The following STK32B variants were observed in gnomAD, a reference collection of about 807,000 sequenced individuals.
The protein encoded by STK32B is serine/threonine kinase 32B.
Under a neutral mutation model 52.6 loss-of-function variants are expected in STK32B, and 43 were observed. The ratio of observed to expected loss-of-function variants is 0.82; its 90% CI spans 0.64 to 1.05. The LOEUF (loss-of-function observed/expected upper bound fraction) is 1.05. Among genes scored for constraint, STK32B ranks in the 50% least tolerant of loss-of-function variants. The pLI, the probability that STK32B is intolerant of heterozygous loss-of-function variation, is 0.00. For missense variants in STK32B, 621 were observed against 534.6 expected (o/e 1.16, Z -1.59); for synonymous variants, 238 against 204.3 (o/e 1.17, Z -1.41).
At chr4:5,361,502 T>C (rs1298842177) in intron 4 of STK32B, among the ~76,000 whole-genome samples, 8 of 152,180 alleles carry the variant, frequency 5.3e-5, no homozygotes, top group Admixed American at 5.2e-4. Flanking sequence ...ATCCCAAGTA[T>C]CTGCGACCAT....
intron 3 of STK32B, among the ~76,000 whole-genome samples, chr4:5,323,266 AG>A (rs1731641129): frequency 6.6e-6 from 1 of 152,106 alleles, no homozygotes; most frequent in African/African-American, 2.4e-5. Flanking sequence ...ATCACCTCCG[AG>A]GCACAGGAAA....
intron 1 of STK32B, chr4:5,127,100 G>T (rs745845099): frequency 3.9e-6 from 2 of 513,020 alleles, no homozygotes; most frequent in Non-Finnish European, 3.9e-6. Context: ...GAGCCGTGAA[G>T]GGAACTTAAC....
rs535560469 is a variant in STK32B, at chr4:5,464,277, G to T, written c.910-2426G>T. 1.2e-4 allele frequency among the ~76,000 whole-genome samples: 19 copies of T among 152,320 alleles called. No homozygotes were observed. In the South Asian group the frequency reaches 3.7e-3, roughly 30 times the overall value. ...TACATCTCAACATGAGATTTGCAGG[G>T]GACAGGCAAGTTATGTCACCTTCTG... On this transcript the variant is annotated intron_variant, in intron 9 of 11. Coordinates refer to ENST00000282908, the MANE Select transcript of STK32B (RefSeq NM_018401.3).
chr4:5,357,069 ATATACACACACACACG>A (rs1406532121), intron 4 of STK32B, among the ~76,000 whole-genome samples: 6 of 145,568 alleles, frequency 4.1e-5, no homozygotes, highest in Admixed American at 7.0e-5. Flanking sequence ...ATATACACAC[ATATACACACACACACG>A]TATACACACA....
Position 5,132,998 on chromosome 4 carries a change from C to T in STK32B, c.53-6907C>T, listed in dbSNP as rs1282247630. 5.3e-5 allele frequency among the ~76,000 whole-genome samples: 8 copies of T among 152,002 alleles called. No individual in the cohort carries two copies. The East Asian group carries it at 1.2e-3, about 22-fold the overall frequency. On this transcript the variant is annotated intron_variant, in intron 1 of 11. Transcript: ENST00000282908. ...ATTTTTAGGAGAGATGGGGTTTTGCCATGTTGGCTAGGCTGGCTGGAACCC... is the reference window on the plus strand; with the variant it reads ...ATTTTTAGGAGAGATGGGGTTTTGCTATGTTGGCTAGGCTGGCTGGAACCC...
At chr4:5,029,037 A>G in the STK32B span, among the ~76,000 whole-genome samples, 1 of 152,190 alleles carries the variant, frequency 6.6e-6, no homozygotes, top group Non-Finnish European at 1.5e-5. Context: ...TGACAACATC[A>G]AGGGAGATGG....
intron 3 of STK32B, among the ~76,000 whole-genome samples, chr4:5,187,626 G>A (rs981901477): frequency 5.3e-5 from 8 of 150,088 alleles, no homozygotes; most frequent in Non-Finnish European, 1.2e-4. Flanking sequence ...GGCGGGGGAG[G>A]GGGGGGACAA....
At chr4:5,039,647 A>T in the STK32B span, among the ~76,000 whole-genome samples, 2 of 152,242 alleles carry the variant, frequency 1.3e-5, no homozygotes, top group Admixed American at 6.5e-5. Context: ...GTCATTTATT[A>T]TCATTATCAG....
intron 2 of STK32B, among the ~76,000 whole-genome samples, chr4:5,161,471 A>C (rs1446368984): frequency 6.6e-6 from 1 of 152,206 alleles, no homozygotes; most frequent in Non-Finnish European, 1.5e-5. Flanking sequence ...CTGTTGTTCC[A>C]GACATTACAT....
chr4:5,085,704 G>C (rs1364844723), intron 1 of STK32B, among the ~76,000 whole-genome samples: 1 of 152,162 alleles, frequency 6.6e-6, no homozygotes, highest in Non-Finnish European at 1.5e-5. Context: ...TGGAACTCTG[G>C]AGATTAACCA....
chr4:5,144,947 GT>G (rs939422056), intron 2 of STK32B, among the ~76,000 whole-genome samples: 1 of 152,194 alleles, frequency 6.6e-6, no homozygotes, highest in Non-Finnish European at 1.5e-5. Context: ...AGGAGGCAGA[GT>G]AATAAACAGT....
chr4:5,416,725 G>A, intron 5 of STK32B, 120 bp from the exon 6 acceptor site: 2 of 698,128 alleles, frequency 2.9e-6, no homozygotes. Flanking sequence ...AGATACGATA[G>A]TATTATAAAT....
At chr4:5,267,330 A>G (rs1727119082) in intron 3 of STK32B, among the ~76,000 whole-genome samples, 1 of 152,150 alleles carries the variant, frequency 6.6e-6, no homozygotes. Flanking sequence ...ATAAAAGGAA[A>G]AACATTTATT....
At chr4:5,317,730 A>G (rs1185225225) in intron 3 of STK32B, among the ~76,000 whole-genome samples, 1 of 150,790 alleles carries the variant, frequency 6.6e-6, no homozygotes, top group Non-Finnish European at 1.5e-5. Context: ...TTCTTGGAGA[A>G]GGTGACAAGT....
At chr4:5,305,032 T>C (rs769829238) in intron 3 of STK32B, among the ~76,000 whole-genome samples, 5 of 151,466 alleles carry the variant, frequency 3.3e-5, no homozygotes, top group Admixed American at 3.3e-4. Context: ...ATCCCTGTTA[T>C]GAAACCCACT....
At chr4:5,197,743 T>C (rs73093675) in intron 3 of STK32B, among the ~76,000 whole-genome samples, 3,229 of 152,306 alleles carry the variant, frequency 0.021, 120 homozygotes, top group African/African-American at 0.072. Flanking sequence ...CTTTTATTCA[T>C]GTTTTCTTAA....
At chr4:5,214,966 T>C (rs1376438743) in intron 3 of STK32B, among the ~76,000 whole-genome samples, 2 of 152,220 alleles carry the variant, frequency 1.3e-5, no homozygotes, top group Non-Finnish European at 2.9e-5. Context: ...TGTTGATAAA[T>C]GAGCTGTGAC....
At chr4:5,129,368 C>T (rs753227149) in intron 1 of STK32B, among the ~76,000 whole-genome samples, 1 of 152,212 alleles carries the variant, frequency 6.6e-6, no homozygotes, top group Non-Finnish European at 1.5e-5. Context: ...TCCTCAAGCT[C>T]TGGTGGACAT....
intron 1 of STK32B, among the ~76,000 whole-genome samples, chr4:5,056,741 A>T (rs1365089171): frequency 1.3e-5 from 2 of 152,106 alleles, no homozygotes; most frequent in African/African-American, 2.4e-5. Flanking sequence ...GAGCAGGGAG[A>T]TTTGAGGCTC....
Sources: allele counts gnomAD v4.1 joint callset (sites outside exome capture counted in the v4.1 genomes callset), GRCh38; gene constraint gnomAD v4.1.1; transcripts MANE v1.5; gene names NCBI Gene and HGNC (gene_info 2026-07-23, HGNC 2026-07-21).